The following MMP16 variants were observed in gnomAD, a reference collection of about 807,000 sequenced individuals.
MMP16 encodes the protein matrix metallopeptidase 16, also known as matrix metalloproteinase-16.
Under a neutral mutation model 67.8 loss-of-function variants are expected in MMP16, and 12 were observed. The ratio of observed to expected loss-of-function variants is 0.18; its 90% CI spans 0.11 to 0.29. The LOEUF (loss-of-function observed/expected upper bound fraction) is 0.29. Among genes scored for constraint, MMP16 ranks in the 10% least tolerant of loss-of-function variants. The pLI is 1.00. For synonymous variants in MMP16, 249 were observed against 255.9 expected, an observed-to-expected ratio of 0.97 and a Z score of 0.26; for missense variants, 475 against 765.7, an observed-to-expected ratio of 0.62 and a Z score of 4.48.
chr8:88,145,154 T>C (rs1808270413), intron 4 of MMP16, among the ~76,000 whole-genome samples: 1 of 151,986 alleles, frequency 6.6e-6, no homozygotes, highest in Non-Finnish European at 1.5e-5. Flanking sequence ...ATTTTGTCAT[T>C]GTCCCAACAT....
At chr8:88,203,318 G>A (rs1180897322) in intron 1 of MMP16, among the ~76,000 whole-genome samples, 1 of 151,702 alleles carries the variant, frequency 6.6e-6, no homozygotes, top group Non-Finnish European at 1.5e-5. Flanking sequence ...TGGCCAGGAT[G>A]GTCTCGATCT....
At chr8:88,055,353 A>G (rs36087310) in intron 8 of MMP16, among the ~76,000 whole-genome samples, 4,599 of 152,192 alleles carry the variant, frequency 0.03, 86 homozygotes, top group Non-Finnish European at 0.045. Context: ...AATTACAAGC[A>G]TGTGCCAAAA....
At chr8:88,150,803 A>C (rs1808392084) in intron 4 of MMP16, among the ~76,000 whole-genome samples, 1 of 151,498 alleles carries the variant, frequency 6.6e-6, no homozygotes, top group Non-Finnish European at 1.5e-5. Context: ...AACTGCATCA[A>C]CTAACGAGCA....
chr8:88,238,647 C>G (rs888292003), intron 1 of MMP16, among the ~76,000 whole-genome samples: 1 of 127,706 alleles, frequency 7.8e-6, no homozygotes, highest in African/African-American at 3.0e-5. Flanking sequence ...GCCTGGGCAA[C>G]TGTGCAAGAC....
At chr8:88,240,755 CTT>C (rs1810020838) in intron 1 of MMP16, among the ~76,000 whole-genome samples, 1 of 152,016 alleles carries the variant, frequency 6.6e-6, no homozygotes, top group African/African-American at 2.4e-5. Context: ...AAAATATCCT[CTT>C]ATCATTAGTT....
At chr8:88,184,042 G>A (rs1003882724) in intron 3 of MMP16, among the ~76,000 whole-genome samples, 5 of 151,910 alleles carry the variant, frequency 3.3e-5, no homozygotes, top group Non-Finnish European at 5.9e-5. Flanking sequence ...CACCGCGCCC[G>A]GCCCAAAATG....
At chr8:88,180,922 G>T (rs926479094) in intron 3 of MMP16, among the ~76,000 whole-genome samples, 5 of 151,972 alleles carry the variant, frequency 3.3e-5, no homozygotes, top group African/African-American at 1.2e-4. Flanking sequence ...ACATCAAAAG[G>T]CAAAAGAAGA....
intron 1 of MMP16, among the ~76,000 whole-genome samples, chr8:88,262,888 G>A (rs1162365533): frequency 6.7e-6 from 1 of 148,692 alleles, no homozygotes; most frequent in East Asian, 2.0e-4. Context: ...AGCCGAGCGT[G>A]GTAGCGGGTG....
chr8:88,061,896 T>G (rs1380190156), intron 7 of MMP16, among the ~76,000 whole-genome samples: 1 of 152,032 alleles, frequency 6.6e-6, no homozygotes, highest in Non-Finnish European at 1.5e-5. Context: ...AGCTTTTTTT[T>G]TTTTCTTAAC....
intron 1 of MMP16, among the ~76,000 whole-genome samples, chr8:88,258,044 CTTTTTTT>C (rs71277990): frequency 9.1e-5 from 13 of 143,130 alleles, no homozygotes; most frequent in African/African-American, 2.0e-4. Context: ...GACTCTTTTT[CTTTTTTT>C]TTTTTTTTCT....
chr8:88,272,787 G>A (rs940725311), intron 1 of MMP16, among the ~76,000 whole-genome samples: 3 of 152,180 alleles, frequency 2.0e-5, no homozygotes, highest in African/African-American at 7.2e-5. Context: ...TAGCAGAGAT[G>A]TTTTGTAAGC....
At chr8:88,206,000 T>C (rs1257551724) in intron 1 of MMP16, among the ~76,000 whole-genome samples, 1 of 152,162 alleles carries the variant, frequency 6.6e-6, no homozygotes, top group Non-Finnish European at 1.5e-5. Context: ...TACTTATTTC[T>C]GCTGCCACTC....
intron 1 of MMP16, among the ~76,000 whole-genome samples, chr8:88,299,510 G>A (rs756736240): frequency 5.3e-5 from 8 of 151,784 alleles, no homozygotes; most frequent in Admixed American, 6.6e-5. Context: ...GCACCACCGC[G>A]ACATTCCTAA....
chr8:88,213,474 G>T (rs1809542804), intron 1 of MMP16, among the ~76,000 whole-genome samples: 2 of 152,002 alleles, frequency 1.3e-5, no homozygotes, highest in African/African-American at 4.8e-5. Flanking sequence ...AAAAAGAATA[G>T]AAAATAAGGT....
Position 88,105,952 on chromosome 8 carries a change from G to A in MMP16, c.1083+10555C>T, listed in dbSNP as rs1809230858. On this transcript the variant is annotated intron_variant, in intron 6 of 9. Transcript: ENST00000286614. The stretch of plus-strand genomic sequence containing the variant: ...AACTGTTCTTAACATTACAGTATTA[G>A]TCCTTTGAGAATTTTTTATTTATAA... 2.0e-5 allele frequency among the ~76,000 whole-genome samples: 3 copies of A among 150,144 alleles called. No homozygotes were observed. The South Asian group carries it at 6.3e-4, about 31-fold the overall frequency.
At chr8:88,145,856 T>C (rs1292940151) in intron 4 of MMP16, among the ~76,000 whole-genome samples, 2 of 151,974 alleles carry the variant, frequency 1.3e-5, no homozygotes, top group Non-Finnish European at 2.9e-5. Context: ...ATTTGGTTGT[T>C]GTAATTCAGA....
At position 88,147,240 on chromosome 8, in the gene MMP16, C is replaced by T. The variant is rs952274551; in HGVS notation, c.709+20429G>A. 3.3e-5 allele frequency among the ~76,000 whole-genome samples: 5 copies of T among 152,008 alleles called. No individual in the cohort carries two copies. The East Asian group carries it at 5.8e-4, about 18-fold the overall frequency. On this transcript the variant is annotated intron_variant, in intron 4 of 9. Transcript: ENST00000286614. ...CTTCTATTGTTACCTCCTCTACTAT[C>T]GGTTATCCTTGAAGATTTACTATGC... is the stretch of plus-strand genomic sequence containing the variant.
chr8:88,164,785 T>C (rs1273309761), intron 4 of MMP16, among the ~76,000 whole-genome samples: 1 of 151,712 alleles, frequency 6.6e-6, no homozygotes, highest in African/African-American at 2.4e-5. Context: ...ACTTCCAGAG[T>C]TGTTAGGACA....
chr8:88,073,661 A>T (rs1808599312), intron 7 of MMP16, among the ~76,000 whole-genome samples: 1 of 152,268 alleles, frequency 6.6e-6, no homozygotes, highest in Non-Finnish European at 1.5e-5. Context: ...AAATATTACA[A>T]GTGTTTCCCA....
Sources: allele counts gnomAD v4.1 joint callset (sites outside exome capture counted in the v4.1 genomes callset), GRCh38; gene constraint gnomAD v4.1.1; transcripts MANE v1.5; gene names NCBI Gene and HGNC (gene_info 2026-07-23, HGNC 2026-07-21).